KIZ: variants seen among roughly 807,000 people sequenced by gnomAD.
The protein encoded by KIZ is centrosomal protein kizuna.
A neutral mutation model predicts 79.6 loss-of-function variants in KIZ; 68 were observed. The ratio of observed to expected loss-of-function variants is 0.85; its 90% CI spans 0.70 to 1.05. The LOEUF is 1.05. Among genes scored for constraint, KIZ ranks in the 50% least tolerant of loss-of-function variants. KIZ has a pLI of 0.00. For synonymous variants in KIZ, 280 were observed against 281.8 expected (o/e 0.99, Z 0.06); for missense variants, 797 against 800.4 (o/e 1.00, Z 0.05).
intron 1 of KIZ, among the ~76,000 whole-genome samples, chr20:21,130,163 T>C (rs1307743797): frequency 1.3e-5 from 2 of 152,184 alleles, no homozygotes; most frequent in Non-Finnish European, 2.9e-5. Context: ...TTGGCTGGCA[T>C]GTCTCTTCAG....
intron 3 of KIZ, among the ~76,000 whole-genome samples, chr20:21,137,013 C>G (rs2032229921): frequency 6.6e-6 from 1 of 152,202 alleles, no homozygotes; most frequent in African/African-American, 2.4e-5. Context: ...TAGCCAGTAC[C>G]TGGCACGGTG....
intron 6 of KIZ, among the ~76,000 whole-genome samples, chr20:21,184,098 G>C (rs1013778860): frequency 6.6e-6 from 1 of 151,786 alleles, no homozygotes; most frequent in South Asian, 2.1e-4. Context: ...TCTGTTAATG[G>C]TTGCCAGGTG....
At chr20:21,177,701 T>C (rs559528442) in intron 6 of KIZ, among the ~76,000 whole-genome samples, 78 of 152,292 alleles carry the variant, frequency 5.1e-4, no homozygotes, top group African/African-American at 1.8e-3. Context: ...TCTAGGAGTT[T>C]TAAAACTTCA....
intron 3 of KIZ, among the ~76,000 whole-genome samples, chr20:21,137,129 C>A (rs1252040397): frequency 6.6e-6 from 1 of 152,158 alleles, no homozygotes; most frequent in Non-Finnish European, 1.5e-5. Context: ...GGTCTGGGCC[C>A]CTCTTCTCTG....
chr20:21,213,316 CTGTCGGAG>C (rs1402818153), intron 7 of KIZ, among the ~76,000 whole-genome samples: 4 of 152,248 alleles, frequency 2.6e-5, no homozygotes, highest in Non-Finnish European at 5.9e-5. Flanking sequence ...CTGACTCTCC[CTGTCGGAG>C]TGTCTTCACC....
chr20:21,151,564 CTG>C (rs1020028373), intron 4 of KIZ: 6 of 152,146 alleles, frequency 3.9e-5, no homozygotes, highest in Non-Finnish European at 5.9e-5. Context: ...TGGGGAAACA[CTG>C]TTTCTTTTCT....
At chr20:21,155,085 AC>A (rs1223812866) in intron 4 of KIZ, among the ~76,000 whole-genome samples, 1 of 151,682 alleles carries the variant, frequency 6.6e-6, no homozygotes, top group Non-Finnish European at 1.5e-5. Context: ...TGGTGCAAAC[AC>A]TTTGGAAAAC....
At chr20:21,206,310 A>G (rs1206607913) in intron 7 of KIZ, among the ~76,000 whole-genome samples, 2 of 152,186 alleles carry the variant, frequency 1.3e-5, no homozygotes, top group African/African-American at 4.8e-5. Context: ...GTGTGACATC[A>G]TGGGATGCAT....
intron 4 of KIZ, among the ~76,000 whole-genome samples, chr20:21,155,751 A>T (rs2033350441): frequency 6.6e-6 from 1 of 152,206 alleles, no homozygotes; most frequent in African/African-American, 2.4e-5. Flanking sequence ...TATTTTTGTT[A>T]TGACATAGTC....
At chr20:21,228,970 GT>G in intron 9 of KIZ, 40 bp from the exon 10 acceptor site, 1 of 1,136,246 alleles carries the variant, frequency 8.8e-7, no homozygotes. Flanking sequence ...TTTCTGGCCA[GT>G]AAAAAATGTA....
chr20:21,241,363 A>G (rs1330966758), intron 11 of KIZ, among the ~76,000 whole-genome samples: 4 of 152,248 alleles, frequency 2.6e-5, no homozygotes, highest in African/African-American at 9.6e-5. Flanking sequence ...CTTAGATACG[A>G]GAGTGGAGAA....
intron 7 of KIZ, among the ~76,000 whole-genome samples, chr20:21,209,544 C>T (rs1460776682): frequency 2.3e-5 from 2 of 86,570 alleles, no homozygotes; most frequent in Admixed American, 1.2e-4. Flanking sequence ...CTCCTGAATA[C>T]TCATTTGCTG....
intron 11 of KIZ, among the ~76,000 whole-genome samples, chr20:21,236,510 A>C (rs978222445): frequency 1.3e-5 from 2 of 152,182 alleles, no homozygotes; most frequent in African/African-American, 4.8e-5. Flanking sequence ...CAGCCTTCTA[A>C]TAAGACTCCA....
At chr20:21,200,883 A>G (rs1226716597) in intron 6 of KIZ, among the ~76,000 whole-genome samples, 2 of 152,192 alleles carry the variant, frequency 1.3e-5, no homozygotes, top group Non-Finnish European at 2.9e-5. Context: ...TGTTATATCA[A>G]GGATTAAGAC....
At chr20:21,127,616 T>C (rs2031565213) in intron 1 of KIZ, among the ~76,000 whole-genome samples, 1 of 152,258 alleles carries the variant, frequency 6.6e-6, no homozygotes, top group Non-Finnish European at 1.5e-5. Context: ...TATTTTTAAG[T>C]CAGTACAAAT....
intron 11 of KIZ, among the ~76,000 whole-genome samples, chr20:21,241,642 T>G (rs2037220238): frequency 6.6e-6 from 1 of 152,198 alleles, no homozygotes; most frequent in African/African-American, 2.4e-5. Context: ...AAAAAGCAAG[T>G]TCAAGTGGCC....
At chr20:21,176,952 A>T (rs2034462836) in intron 6 of KIZ, among the ~76,000 whole-genome samples, 1 of 152,234 alleles carries the variant, frequency 6.6e-6, no homozygotes, top group South Asian at 2.1e-4. Flanking sequence ...TTCCTTTTTA[A>T]GGCAGAATAA....
chr20:21,230,125 A>G (rs1318148537), intron 10 of KIZ, among the ~76,000 whole-genome samples: 1 of 152,140 alleles, frequency 6.6e-6, no homozygotes, highest in Admixed American at 6.5e-5. Context: ...ATGAACAGTG[A>G]TTTCTAAATA....
At chr20:21,141,500 A>G (rs1319983280) in intron 3 of KIZ, among the ~76,000 whole-genome samples, 1 of 151,532 alleles carries the variant, frequency 6.6e-6, no homozygotes, top group Non-Finnish European at 1.5e-5. Context: ...CAGCCTTCCC[A>G]GGTTCTGAGA....
Sources: allele counts gnomAD v4.1 joint callset (sites outside exome capture counted in the v4.1 genomes callset), GRCh38; gene constraint gnomAD v4.1.1; transcripts MANE v1.5; gene names NCBI Gene and HGNC (gene_info 2026-07-23, HGNC 2026-07-21).